The following FUT8 variants were observed in gnomAD, a reference collection of about 807,000 sequenced individuals.
The protein encoded by FUT8 is alpha-(1,6)-fucosyltransferase.
A neutral mutation model predicts 71.3 loss-of-function variants in FUT8; 29 were observed. That is an observed-to-expected ratio of 0.41 (90% CI 0.30 to 0.55). FUT8 has a LOEUF of 0.55. Among genes scored for constraint, FUT8 ranks in the 20% least tolerant of loss-of-function variants. The pLI is 0.34. For synonymous variants in FUT8, 254 were observed against 239.3 expected, an observed-to-expected ratio of 1.06 and a Z score of -0.57; for missense variants, 544 against 702.1, an observed-to-expected ratio of 0.77 and a Z score of 2.55.
chr14:65,510,763 G>A (rs901552204), intron 2 of FUT8, among the ~76,000 whole-genome samples: 15 of 151,920 alleles, frequency 9.9e-5, no homozygotes, highest in African/African-American at 2.9e-4. Context: ...CTGTGATATC[G>A]GTTGTACTGT....
intron 3 of FUT8, among the ~76,000 whole-genome samples, chr14:65,583,678 A>G (rs963236294): frequency 5.9e-5 from 9 of 152,136 alleles, no homozygotes; most frequent in African/African-American, 9.7e-5. Flanking sequence ...GTCAAATGCA[A>G]TTAATTTAGC....
intron 7 of FUT8, among the ~76,000 whole-genome samples, chr14:65,717,217 A>T (rs1228837081): frequency 1.6e-5 from 2 of 128,606 alleles, no homozygotes; most frequent in Non-Finnish European, 3.3e-5. Flanking sequence ...CTCACCTCCC[A>T]GACGGGGCGG....
chr14:65,380,367 A>G, the FUT8 span, among the ~76,000 whole-genome samples: 2 of 152,188 alleles, frequency 1.3e-5, no homozygotes, highest in African/African-American at 2.4e-5. Context: ...GGGAGATACA[A>G]TTCAAGTTGA....
upstream of FUT8, chr14:65,412,640 TGGCACATGCCAGGGTC>T (rs1378664787): frequency 2.3e-5 from 6 of 261,088 alleles, no homozygotes; most frequent in Non-Finnish European, 7.5e-6. Context: ...GGAGAATCCC[TGGCACATGCCAGGGTC>T]GCCGTAGGTG....
At chr14:65,449,078 A>C (rs2065784188) in intron 1 of FUT8, among the ~76,000 whole-genome samples, 1 of 152,212 alleles carries the variant, frequency 6.6e-6, no homozygotes, top group Admixed American at 6.5e-5. Flanking sequence ...ATTTACCTAG[A>C]CCATTATGAA....
the FUT8 span, among the ~76,000 whole-genome samples, chr14:65,360,083 A>G: frequency 1.3e-5 from 2 of 152,290 alleles, no homozygotes; most frequent in South Asian, 2.1e-4. Context: ...CGTCCGCCTC[A>G]GCCTCCCAAA....
At chr14:65,419,663 A>T (rs73282285) in intron 1 of FUT8, among the ~76,000 whole-genome samples, 1 of 152,218 alleles carries the variant, frequency 6.6e-6, no homozygotes, top group East Asian at 1.9e-4. Flanking sequence ...ATTCTTTACA[A>T]TTAGAACTAA....
At chr14:65,629,731 C>A in intron 6 of FUT8, 125 bp downstream of exon 6, 7 of 626,256 alleles carry the variant, frequency 1.1e-5, no homozygotes, top group East Asian at 2.9e-5. Flanking sequence ...ACACATTTTA[C>A]ATATTTATTC....
chr14:65,691,010 GC>G (rs1191298229), intron 7 of FUT8, among the ~76,000 whole-genome samples: 1 of 146,182 alleles, frequency 6.8e-6, no homozygotes, highest in African/African-American at 2.8e-5. Flanking sequence ...ACAGGCGTGA[GC>G]CACCACGCCC....
chr14:65,733,126 A>G, intron 9 of FUT8, 105 bp from the exon 10 acceptor site: 1 of 669,178 alleles, frequency 1.5e-6, no homozygotes, highest in Non-Finnish European at 2.4e-6. Context: ...TGCCATAATT[A>G]AAGGTCTCCT....
intron 6 of FUT8, among the ~76,000 whole-genome samples, chr14:65,650,193 G>A (rs996424395): frequency 2.6e-5 from 4 of 151,430 alleles, no homozygotes; most frequent in African/African-American, 7.3e-5. Flanking sequence ...CAGCTACTCG[G>A]GAGGCTGAGG....
At chr14:65,503,107 T>G (rs543037241) in intron 2 of FUT8, among the ~76,000 whole-genome samples, 1 of 152,380 alleles carries the variant, frequency 6.6e-6, no homozygotes, top group African/African-American at 2.4e-5. Context: ...TATTTATAGC[T>G]GTTTCTTTCC....
At chr14:65,594,561 C>T (rs1181052163) in intron 3 of FUT8, among the ~76,000 whole-genome samples, 2 of 152,172 alleles carry the variant, frequency 1.3e-5, no homozygotes, top group African/African-American at 4.8e-5. Flanking sequence ...GTATGACAGA[C>T]TTTTTGGGTA....
intron 3 of FUT8, among the ~76,000 whole-genome samples, chr14:65,594,709 G>A (rs1009318107): frequency 3.9e-5 from 6 of 152,120 alleles, no homozygotes; most frequent in Admixed American, 1.3e-4. Flanking sequence ...AGCGAGAAAG[G>A]GAGCGGGAAG....
chr14:65,382,692 G>T, the FUT8 span, among the ~76,000 whole-genome samples: 3 of 152,224 alleles, frequency 2.0e-5, no homozygotes, highest in South Asian at 4.1e-4. Context: ...TTGATCTGGG[G>T]TTGGGCCCTG....
intron 2 of FUT8, among the ~76,000 whole-genome samples, chr14:65,475,967 G>A (rs770060301): frequency 1.3e-5 from 2 of 152,106 alleles, no homozygotes; most frequent in Non-Finnish European, 2.9e-5. Flanking sequence ...GGTAGTAAGA[G>A]CTTGGTGCTT....
intron 7 of FUT8, among the ~76,000 whole-genome samples, chr14:65,693,326 G>A (rs537666234): frequency 1.1e-4 from 17 of 152,248 alleles, no homozygotes; most frequent in Non-Finnish European, 2.1e-4. Context: ...CCAACACAGC[G>A]AAACCCCGTC....
chr14:65,495,745 C>T (rs1369342521), intron 2 of FUT8, among the ~76,000 whole-genome samples: 1 of 152,032 alleles, frequency 6.6e-6, no homozygotes, highest in Non-Finnish European at 1.5e-5. Flanking sequence ...CTAATGTTAT[C>T]AGTATATAAT....
chr14:65,424,079 G>A (rs965041756), intron 1 of FUT8, among the ~76,000 whole-genome samples: 3 of 152,206 alleles, frequency 2.0e-5, no homozygotes, highest in Non-Finnish European at 4.4e-5. Flanking sequence ...GGCATCACTA[G>A]TGGCACTTAG....
Sources: allele counts gnomAD v4.1 joint callset (sites outside exome capture counted in the v4.1 genomes callset), GRCh38; gene constraint gnomAD v4.1.1; transcripts MANE v1.5; gene names NCBI Gene and HGNC (gene_info 2026-07-23, HGNC 2026-07-21).